GCN1: variants seen among roughly 807,000 people sequenced by gnomAD.
GCN1 encodes GCN1 activator of EIF2AK4.
Under a neutral mutation model 288.4 loss-of-function variants are expected in GCN1, and 90 were observed. That is an observed-to-expected ratio of 0.31 (90% CI 0.26 to 0.37). GCN1 has a LOEUF of 0.37. Among genes scored for constraint, GCN1 ranks in the 10% least tolerant of loss-of-function variants. The pLI, the probability that GCN1 is intolerant of heterozygous loss-of-function variation, is 1.00. For missense variants in GCN1, 2,586 were observed against 3,419.9 expected (o/e 0.76, Z 6.08); for synonymous variants, 1,386 against 1,420.2 (o/e 0.98, Z 0.54).
intron 36 of GCN1, among the ~76,000 whole-genome samples, chr12:120,149,323 G>A (rs1038547624): frequency 6.6e-6 from 1 of 151,958 alleles, no homozygotes; most frequent in Non-Finnish European, 1.5e-5. Flanking sequence ...GGAATTCAAG[G>A]CCAGTCTGGG....
In GCN1 at chr12:120,145,319, C is replaced by T. The variant is rs377535062; in HGVS notation, c.4959G>A (p.Pro1653=). 21 of 1,590,126 alleles carry T rather than the reference C, an allele frequency of 1.3e-5. 1 individual carries two copies. Among genetic ancestry groups the T allele is most frequent in the East Asian group, 9.0e-5 (4 of 44,614 alleles). The part of the protein sequence containing the change: ...YSLTDQKDLA[P]YLPSVTPGLK... ...GGCCAGGCGTCACGCTGGGCAGGTA[C>T]GGAGCCAAGTCCTGCAACAACACAG... The change falls in exon 39 of 58, where the codon CCG becomes CCA. Residue 1653 remains proline (P), a synonymous_variant. Coordinates refer to ENST00000300648, the MANE Select transcript of GCN1 (RefSeq NM_006836.2).
Position 120,137,440 on chromosome 12 carries a change from G to A in GCN1, c.6663+105C>T, listed in dbSNP as rs1250298947. The A allele has an allele frequency of 5.5e-5, 79 of 1,423,490 alleles. No individual in the cohort carries two copies. Among genetic ancestry groups the A allele is most frequent in the Non-Finnish European group, 6.6e-5 (67 of 1,015,620 alleles). The allele number at this position is 1,423,490 out of a possible 1,614,324, so 88.2% of individuals were successfully genotyped here. On this transcript the variant is annotated intron_variant, in intron 49 of 57. Transcript: ENST00000300648. The surrounding 1 kb of genome is among the most constrained non-coding windows in gnomAD (Gnocchi z 5.2). ...GACTTGCCACGAGTGGGTAAACGCC[G>A]AAGCTGAGTGACAGGTACGTGGGGG... is the stretch of plus-strand genomic sequence containing the variant.
At position 120,131,672 on chromosome 12, in the gene GCN1, G is replaced by C. The variant is rs150756124; in HGVS notation, c.7414+254C>G. On this transcript the variant is annotated intron_variant, in intron 54 of 57. Transcript: ENST00000300648. ...TCTGTCGCCCAGGCTAGAGTGCAGG[G>C]GCGTGATCAAGGCTCACTGCAACCT... Among the ~76,000 whole-genome samples the C allele has an allele frequency of 4.1e-3, 631 of 152,300 alleles. 4 individuals are homozygous for C. Among genetic ancestry groups the C allele is most frequent in the African/African-American group, 0.014 (584 of 41,564 alleles).
rs1877735827 is a variant in GCN1, at chr12:120,156,046, C to CT, written c.3313-328dup. Among the ~76,000 whole-genome samples, 1 of 152,214 alleles carries CT rather than the reference C, an allele frequency of 6.6e-6. No homozygotes were observed. The highest frequency in any genetic ancestry group is 1.5e-5 in the Non-Finnish European group (1 of 68,046). ...ATTTTACCAAAAGCCAGTGAAAACTCTGTCACATATCAATAGCAGGAGGCT... is the reference window on the plus strand; with the variant it reads ...ATTTTACCAAAAGCCAGTGAAAACTCTTGTCACATATCAATAGCAGGAGGCT... On this transcript the variant is annotated intron_variant, in intron 28 of 57. Transcript: ENST00000300648. This position sits in a 1 kb window ranked among gnomAD's most constrained non-coding sequence, Gnocchi z 5.8.
intron 5 of GCN1, among the ~76,000 whole-genome samples, chr12:120,180,781 G>A (rs1167675661): frequency 6.6e-6 from 1 of 151,638 alleles, no homozygotes; most frequent in Non-Finnish European, 1.5e-5. Context: ...GAGGTCAGGA[G>A]ATCGAGACCA....
At position 120,137,115 on chromosome 12, in the gene GCN1, A is replaced by G; in HGVS notation, c.6777+91T>C. 1 of 877,236 alleles carries G rather than the reference A, an allele frequency of 1.1e-6. No individual in the cohort carries two copies. Among genetic ancestry groups the G allele is most frequent in the Admixed American group, 1.8e-5 (1 of 54,508 alleles). 54.3% of individuals were successfully genotyped at this position (877,236 alleles called of 1,614,324 possible). A position where few individuals can be genotyped will look rare whatever the true frequency, so the allele number is the denominator to read the frequency against. ...CAACCACCACGGCTACTGCTCCAGCAGCCCCTACCGCAGACCTGGGACAGG... is the reference window on the plus strand; with the variant it reads ...CAACCACCACGGCTACTGCTCCAGCGGCCCCTACCGCAGACCTGGGACAGG... On this transcript the variant is annotated intron_variant, in intron 50 of 57. Transcript: ENST00000300648. The surrounding 1 kb of genome is among the most constrained non-coding windows in gnomAD (Gnocchi z 5.2).
At chr12:120,190,168 T>C (rs1878957384) in intron 2 of GCN1, 130 bp downstream of exon 2, 1 of 585,944 alleles carries the variant, frequency 1.7e-6, no homozygotes, top group Non-Finnish European at 3.0e-6. Flanking sequence ...GAGGTTGCAA[T>C]GAGCTGAGAT....
At chr12:120,177,123 C>T (rs1399732910) in intron 9 of GCN1, among the ~76,000 whole-genome samples, 1 of 152,056 alleles carries the variant, frequency 6.6e-6, no homozygotes, top group Non-Finnish European at 1.5e-5. Context: ...AGTGCAGTGT[C>T]GCCATCTTGG....
At chr12:120,178,997 AG>A (rs780125010) in intron 5 of GCN1, 47 bp from the exon 6 acceptor site, 1 of 1,480,606 alleles carries the variant, frequency 6.8e-7, no homozygotes, top group Admixed American at 1.8e-5. Flanking sequence ...CATGAGACTG[AG>A]GGTCCCATGG....
chr12:120,190,547 C>T (rs957301598), intron 1 of GCN1, 147 bp from the exon 2 acceptor site: 1 of 614,638 alleles, frequency 1.6e-6, no homozygotes, highest in Non-Finnish European at 2.9e-6. Context: ...CCGGGTAATT[C>T]TGGTTGTGGG....
At chr12:120,180,312 G>A (rs1489812449) in intron 5 of GCN1, among the ~76,000 whole-genome samples, 1 of 151,536 alleles carries the variant, frequency 6.6e-6, no homozygotes, top group Admixed American at 6.6e-5. Flanking sequence ...CAACGAGAGC[G>A]AAACTCCATC....
intron 1 of GCN1, among the ~76,000 whole-genome samples, chr12:120,193,854 G>A (rs887940842): frequency 4.6e-5 from 7 of 152,098 alleles, no homozygotes; most frequent in Middle Eastern, 3.2e-3. Context: ...CATTTTCTGG[G>A]CCTACACATA....
At chr12:120,192,451 G>A (rs1312939823) in intron 1 of GCN1, among the ~76,000 whole-genome samples, 1 of 152,206 alleles carries the variant, frequency 6.6e-6, no homozygotes, top group African/African-American at 2.4e-5. Flanking sequence ...GACAAGGCTG[G>A]GTGCAGTGGC....
intron 15 of GCN1, among the ~76,000 whole-genome samples, chr12:120,169,226 G>A (rs1215114513): frequency 2.2e-5 from 3 of 135,884 alleles, no homozygotes; most frequent in Non-Finnish European, 4.6e-5. Flanking sequence ...GCAGTGAGTC[G>A]AGATCGCGCC....
intron 16 of GCN1, among the ~76,000 whole-genome samples, chr12:120,165,267 C>T (rs192208934): frequency 6.0e-4 from 91 of 152,198 alleles, no homozygotes; most frequent in Admixed American, 2.2e-3. Flanking sequence ...GATCTCCTGG[C>T]CTCGTGATCC....
chr12:120,190,224 CAA>C (rs34357352), intron 2 of GCN1, 72 bp downstream of exon 2: 37,123 of 550,540 alleles, frequency 0.067, no homozygotes, highest in East Asian at 0.13. Flanking sequence ...GACTCTGTCT[CAA>C]AAAAAAAAAA....
At chr12:120,167,387 A>C (rs1326112447) in intron 16 of GCN1, among the ~76,000 whole-genome samples, 1 of 151,332 alleles carries the variant, frequency 6.6e-6, no homozygotes, top group Admixed American at 6.6e-5. Context: ...GATGAAGTTC[A>C]TTATATACTG....
chr12:120,184,801 T>C (rs1878770372), intron 3 of GCN1, 23 bp downstream of exon 3: 1 of 1,566,888 alleles, frequency 6.4e-7, no homozygotes, highest in Non-Finnish European at 8.8e-7. Flanking sequence ...GCTCCACATA[T>C]GGGGCCTTTG....
At chr12:120,136,814 C>T (rs1566298273) in intron 50 of GCN1, 82 bp from the exon 51 acceptor site, 1 of 938,252 alleles carries the variant, frequency 1.1e-6, no homozygotes, top group Non-Finnish European at 1.7e-6. Context: ...GTGGTCCTGA[C>T]AGCTGTCCTC....
Sources: allele counts gnomAD v4.1 joint callset (sites outside exome capture counted in the v4.1 genomes callset), GRCh38; gene constraint gnomAD v4.1.1; non-coding constraint Gnocchi (gnomAD v3.1); transcripts MANE v1.5; gene names NCBI Gene and HGNC (gene_info 2026-07-23, HGNC 2026-07-21).